DIS3L2: variants seen among roughly 807,000 people sequenced by gnomAD.
DIS3L2 encodes the protein DIS3 like 3'-5' exoribonuclease 2.
In DIS3L2, 34 loss-of-function variants were observed where a neutral mutation model predicts 97.5. The ratio of observed to expected loss-of-function variants is 0.35; its 90% CI spans 0.27 to 0.46. DIS3L2 has a LOEUF of 0.46. DIS3L2 is among the 20% of genes least tolerant of loss of function. The probability of loss-of-function intolerance (pLI) is 1.00; values close to 1 mark genes in which losing one functional copy is unlikely to be tolerated. For synonymous variants in DIS3L2, 435 were observed against 445.2 expected (o/e 0.98, Z 0.29); for missense variants, 1,038 against 1,146.0 (o/e 0.91, Z 1.36).
chr2:232,078,390 C>T (rs1282858864), intron 5 of DIS3L2, among the ~76,000 whole-genome samples: 6 of 152,222 alleles, frequency 3.9e-5, no homozygotes, highest in Non-Finnish European at 2.9e-5. Flanking sequence ...CCCCCCGCCC[C>T]GCTCCCCGGG....
rs1312250853 is a variant in DIS3L2 at position 232,281,713 on chromosome 2, G to C, written c.1659+18273G>C. On this transcript the variant is annotated intron_variant, in intron 13 of 20. Transcript: ENST00000325385. The surrounding 1 kb of genome is among the most constrained non-coding windows in gnomAD (Gnocchi z 4.1). The stretch of plus-strand genomic sequence containing the variant: ...AGGCAGGAAGACGTGCCACCCAGGA[G>C]CATCATCGGCACCACCCAGGGGAGG... Among the ~76,000 whole-genome samples, 1 of 152,140 alleles carries C rather than the reference G, an allele frequency of 6.6e-6. No individual in the cohort carries two copies. The highest frequency in any genetic ancestry group is 2.4e-5 in the African/African-American group (1 of 41,436).
intron 14 of DIS3L2, among the ~76,000 whole-genome samples, chr2:232,306,513 A>G (rs561863213): frequency 3.9e-5 from 6 of 152,164 alleles, no homozygotes; most frequent in Admixed American, 6.5e-5. Context: ...TCTATACTCA[A>G]TAATATATTT....
In DIS3L2 at chr2:232,297,136, T is replaced by C. The variant is rs555675912; in HGVS notation, c.1660-2904T>C. 1.8e-4 allele frequency among the ~76,000 whole-genome samples: 27 copies of C among 152,272 alleles called. No individual in the cohort carries two copies. The Middle Eastern group carries it at 0.01, about 58-fold the overall frequency. On this transcript the variant is annotated intron_variant, in intron 13 of 20. Coordinates refer to ENST00000325385, the MANE Select transcript of DIS3L2 (RefSeq NM_152383.5). Reference sequence around the variant, plus strand: ...ACCTCCGTAAGCCAAATCCTCATCATCTCATTGGGCTACTGCAGCAGCCCC... The same window carrying C: ...ACCTCCGTAAGCCAAATCCTCATCACCTCATTGGGCTACTGCAGCAGCCCC...
intron 9 of DIS3L2, among the ~76,000 whole-genome samples, chr2:232,195,868 A>G (rs1171169394): frequency 2.0e-5 from 3 of 151,984 alleles, no homozygotes; most frequent in African/African-American, 7.3e-5. Context: ...AAATCTTGCT[A>G]ATTTATTAGT....
At chr2:231,976,401 G>A (rs1338723886) in intron 1 of DIS3L2, among the ~76,000 whole-genome samples, 6 of 151,960 alleles carry the variant, frequency 3.9e-5, no homozygotes, top group African/African-American at 9.7e-5. Flanking sequence ...AGGCTGAGGC[G>A]GGCAGATTGC....
At chr2:232,195,885 AAGGCAGTCTAGTCCCC>A (rs151012447) in intron 9 of DIS3L2, among the ~76,000 whole-genome samples, 3,174 of 152,214 alleles carry the variant, frequency 0.021, 101 homozygotes, top group African/African-American at 0.072. Context: ...TAGTTTTATG[AAGGCAGTCTAGTCCCC>A]AGGCAAGGGG....
At chr2:232,001,572 T>TTTTTTTTTTTTG in intron 1 of DIS3L2, among the ~76,000 whole-genome samples, 1 of 148,698 alleles carries the variant, frequency 6.7e-6, no homozygotes, top group African/African-American at 2.5e-5. Flanking sequence ...TTTTTTTTTT[T>TTTTTTTTTTTTG]TTTTTTTTGC....
intron 5 of DIS3L2, among the ~76,000 whole-genome samples, chr2:232,036,119 A>G (rs747172458): frequency 6.6e-6 from 1 of 152,168 alleles, no homozygotes; most frequent in African/African-American, 2.4e-5. Flanking sequence ...GTGTTTTCCA[A>G]CTTGGTTCCA....
chr2:232,313,826 C>T (rs1189552817), intron 14 of DIS3L2, among the ~76,000 whole-genome samples: 2 of 152,176 alleles, frequency 1.3e-5, no homozygotes, highest in African/African-American at 4.8e-5. Flanking sequence ...CAAGGAGGAG[C>T]AAGTCACATC....
intron 6 of DIS3L2, among the ~76,000 whole-genome samples, chr2:232,096,196 C>A (rs1269643094): frequency 6.6e-6 from 1 of 151,710 alleles, no homozygotes; most frequent in African/African-American, 2.4e-5. Context: ...ATGCCATTCT[C>A]CTGCCTCGGC....
intron 5 of DIS3L2, among the ~76,000 whole-genome samples, chr2:232,071,168 T>C (rs1258358573): frequency 1.3e-5 from 2 of 152,338 alleles, no homozygotes; most frequent in East Asian, 3.9e-4. Flanking sequence ...TATAGTTTTC[T>C]GTACTGTATC....
intron 6 of DIS3L2, among the ~76,000 whole-genome samples, chr2:232,091,889 T>C (rs769157046): frequency 2.6e-5 from 4 of 152,210 alleles, no homozygotes; most frequent in Non-Finnish European, 5.9e-5. Flanking sequence ...CTTGCATTTC[T>C]CTGATCATCA....
chr2:231,979,139 C>A (rs1693178251), intron 1 of DIS3L2, among the ~76,000 whole-genome samples: 1 of 152,026 alleles, frequency 6.6e-6, no homozygotes, highest in Non-Finnish European at 1.5e-5. Context: ...AGAAGACTTT[C>A]TTTACTCCTA....
At chr2:232,011,641 C>T (rs1332705442) in intron 1 of DIS3L2, among the ~76,000 whole-genome samples, 1 of 151,362 alleles carries the variant, frequency 6.6e-6, no homozygotes, top group African/African-American at 2.4e-5. Context: ...GCGTGAGCCA[C>T]TGTGCCTGCC....
chr2:232,062,025 A>G (rs901412645), intron 5 of DIS3L2, among the ~76,000 whole-genome samples: 4 of 142,674 alleles, frequency 2.8e-5, no homozygotes, highest in African/African-American at 7.5e-5. Context: ...TTTTTTTAAA[A>G]TTAGGTCATT....
intron 9 of DIS3L2, 36 bp downstream of exon 9, chr2:232,163,668 C>G (rs749366701): frequency 1.3e-5 from 21 of 1,592,432 alleles, no homozygotes; most frequent in Non-Finnish European, 1.6e-5. Flanking sequence ...CGTATATCTC[C>G]CTTTCTGCCT....
At chr2:232,101,220 G>GAAAAAAAAAA (rs71910297) in intron 6 of DIS3L2, among the ~76,000 whole-genome samples, 1 of 134,786 alleles carries the variant, frequency 7.4e-6, no homozygotes. Context: ...GTGATAGAGT[G>GAAAAAAAAAA]AAAAAAAAAA....
chr2:232,088,390 CAAAAA>C (rs778505065), intron 6 of DIS3L2, among the ~76,000 whole-genome samples: 4 of 55,714 alleles, frequency 7.2e-5, no homozygotes, highest in Admixed American at 4.1e-4. Context: ...ACTAAAAATA[CAAAAA>C]AAAAAAAAAA....
intron 8 of DIS3L2, among the ~76,000 whole-genome samples, chr2:232,162,315 C>T (rs574098236): frequency 2.6e-5 from 4 of 152,190 alleles, no homozygotes; most frequent in South Asian, 4.1e-4. Context: ...GGCTGGTGGG[C>T]GGGTGCACAA....
Sources: allele counts gnomAD v4.1 joint callset (sites outside exome capture counted in the v4.1 genomes callset), GRCh38; gene constraint gnomAD v4.1.1; non-coding constraint Gnocchi (gnomAD v3.1); transcripts MANE v1.5; gene names NCBI Gene and HGNC (gene_info 2026-07-23, HGNC 2026-07-21).